DENND10: variants seen among roughly 807,000 people sequenced by gnomAD.
DENND10 encodes the protein DENN domain containing 10.
In DENND10, 24 loss-of-function variants were observed where a neutral mutation model predicts 43.6. That is an observed-to-expected ratio of 0.55 (90% confidence interval 0.40 to 0.77). DENND10 has a LOEUF of 0.77. Among genes scored for constraint, DENND10 ranks in the 30% least tolerant of loss-of-function variants. DENND10 has a pLI of 0.00. For synonymous variants in DENND10, 125 were observed against 157.6 expected, an observed-to-expected ratio of 0.79 and a Z score of 1.55; for missense variants, 303 against 429.9, an observed-to-expected ratio of 0.70 and a Z score of 2.61.
Position 119,114,971 on chromosome 10 carries a change from T to C in DENND10, c.333-2548T>C, listed in dbSNP as rs193264030. On this transcript the variant is annotated intron_variant, in intron 3 of 8. Transcript: ENST00000361432. ...TTTTAGTAGAGACGGGGTTTCACCATGTTCACCAGGCTTGTCTGGAACTCC... is the reference window on the plus strand; with the variant it reads ...TTTTAGTAGAGACGGGGTTTCACCACGTTCACCAGGCTTGTCTGGAACTCC... Among the ~76,000 whole-genome samples the C allele has an allele frequency of 8.1e-4, 124 of 152,234 alleles. 1 individual carries two copies. The highest frequency in any genetic ancestry group is 2.9e-3 in the African/African-American group (121 of 41,546).
At chr10:119,129,704 G>T (rs1452188661) in intron 7 of DENND10, 82 bp downstream of exon 7, 9 of 959,850 alleles carry the variant, frequency 9.4e-6, no homozygotes, top group Non-Finnish European at 1.0e-5. Flanking sequence ...AAACCAGTAT[G>T]TGAGGGCTGG....
chr10:119,132,795 T>C lies in DENND10; in HGVS notation c.897+186T>C, dbSNP rs1278192030. 1.7e-6 allele frequency: 1 copy of C among 602,136 alleles called. No homozygotes were observed. The highest frequency in any genetic ancestry group is 1.9e-5 in the African/African-American group (1 of 53,872). The allele number at this position is 602,136 out of a possible 1,614,324, so 37.3% of individuals were successfully genotyped here. A position where few individuals can be genotyped will look rare whatever the true frequency, so the allele number is the denominator to read the frequency against. Reference sequence around the variant, plus strand: ...CAGGTGCAGGCTGGCCTGATCTAGTTAGTTACTGGGCTCGAGGGCAGGTAT... The same window carrying C: ...CAGGTGCAGGCTGGCCTGATCTAGTCAGTTACTGGGCTCGAGGGCAGGTAT... On this transcript the variant is annotated intron_variant, in intron 8 of 8. Coordinates refer to ENST00000361432, the MANE Select transcript of DENND10 (RefSeq NM_207009.4). This position sits in a 1 kb window ranked among gnomAD's most constrained non-coding sequence, Gnocchi z 4.2.
chr10:119,129,793 G>A (rs1186759521), intron 7 of DENND10, among the ~76,000 whole-genome samples, 171 bp downstream of exon 7: 1 of 152,204 alleles, frequency 6.6e-6, no homozygotes, highest in South Asian at 2.1e-4. Flanking sequence ...CATATTAGCA[G>A]AACATCCCGG....
rs748455148 is a variant in DENND10, at chr10:119,123,459, G to T, written c.594-10G>T. 6.2e-7 allele frequency: 1 copy of T among 1,610,814 alleles called. No individual in the cohort carries two copies. The highest frequency in any genetic ancestry group is 2.2e-5 in the East Asian group (1 of 44,848). ...CAGCAACAACTTGAGTTCTTGCCTT[G>T]ATTCCCCAGGACTCTGCCTGCCCTG... On this transcript the variant is annotated splice_polypyrimidine_tract_variant and intron_variant, in intron 5 of 8. Coordinates refer to ENST00000361432, the MANE Select transcript of DENND10 (RefSeq NM_207009.4).
chr10:119,131,439 C>T (rs1846084941), intron 7 of DENND10, among the ~76,000 whole-genome samples: 1 of 152,110 alleles, frequency 6.6e-6, no homozygotes, highest in Admixed American at 6.6e-5. Flanking sequence ...GCCTGGGTGA[C>T]AAAGCAAGAC....
At position 119,137,882 on chromosome 10, in the gene DENND10, CTTTT is replaced by C. The variant is rs1314595610; in HGVS notation, c.*1238_*1241del. 13 of 164,562 alleles carry C rather than the reference CTTTT, an allele frequency of 7.9e-5. No individual in the cohort carries two copies. Among genetic ancestry groups the C allele is most frequent in the African/African-American group, 1.3e-4 (5 of 39,542 alleles). 10.2% of individuals were successfully genotyped at this position (164,562 alleles called of 1,614,324 possible). A position where few individuals can be genotyped will look rare whatever the true frequency, so the allele number is the denominator to read the frequency against. On this transcript the variant is annotated 3_prime_UTR_variant, in exon 9 of 9. Transcript: ENST00000361432. ...TTATGGAAATGAGGAATATTAACAT[CTTTT>C]TTCTCATTTTTTTGTATTACTATAT...
rs1846131133 is a variant in DENND10, at chr10:119,132,519, C to T, written c.807C>T (p.Ala269=). Residue 269 remains alanine, a synonymous_variant, in exon 8 of 9, where the codon GCC becomes GCT. Transcript: ENST00000361432. This position sits in a 1 kb window ranked among gnomAD's most constrained non-coding sequence, Gnocchi z 4.2. The part of the protein sequence containing the change: ...EITIAPLAKE[A]MAMGKLHKEM... ...TCACCTTCTTGATCTCACCAGAGGC[C>T]ATGGCAATGGGCAAACTGCACAAAG... is the stretch of plus-strand genomic sequence containing the variant. 13 of 1,612,420 alleles carry T rather than the reference C, an allele frequency of 8.1e-6. No individual in the cohort carries two copies. The highest frequency in any genetic ancestry group is 1.1e-5 in the Non-Finnish European group (13 of 1,178,592).
In DENND10 at chr10:119,123,372, C is replaced by CA. The variant is rs1478936694; in HGVS notation, c.594-97_594-96insA. ...TGTCCCTGATTAGCTGTAGACTCTA[C>CA]CCTCTTCATTTCCTTCTCAGGAAGA... On this transcript the variant is annotated intron_variant, in intron 5 of 8. Transcript: ENST00000361432. 1.8e-5 allele frequency: 15 copies of CA among 849,946 alleles called. No homozygotes were observed. The Admixed American group carries it at 2.1e-4, about 12-fold the overall frequency. The allele number at this position is 849,946 out of a possible 1,614,324, so 52.7% of individuals were successfully genotyped here.
chr10:119,116,679 T>C (rs1198516755), intron 3 of DENND10, among the ~76,000 whole-genome samples: 5 of 57,804 alleles, frequency 8.6e-5, no homozygotes, highest in African/African-American at 3.1e-4. Context: ...TTTTTTTTTT[T>C]TTTTTTTGAG....
In DENND10 at chr10:119,132,908, C is replaced by T; in HGVS notation, c.897+299C>T. On this transcript the variant is annotated intron_variant, in intron 8 of 8. Transcript: ENST00000361432. This position sits in a 1 kb window ranked among gnomAD's most constrained non-coding sequence, Gnocchi z 4.2. ...GAAGGCTTTTCTGGGCCAGCCAGTGCATTCTTTCTTCCTAGGAGAATTTCC... is the reference window on the plus strand; with the variant it reads ...GAAGGCTTTTCTGGGCCAGCCAGTGTATTCTTTCTTCCTAGGAGAATTTCC... The T allele has an allele frequency of 2.8e-6, 1 of 362,248 alleles. No individual in the cohort carries two copies. Among genetic ancestry groups the T allele is most frequent in the African/African-American group, 2.1e-5 (1 of 48,634 alleles). 22.4% of individuals were successfully genotyped at this position (362,248 alleles called of 1,614,324 possible).
chr10:119,111,178 GA>G (rs1844953788), intron 2 of DENND10, among the ~76,000 whole-genome samples: 1 of 145,528 alleles, frequency 6.9e-6, no homozygotes, highest in Non-Finnish European at 1.5e-5. Flanking sequence ...TGAGGCATGA[GA>G]ATTGCTTGAA....
At chr10:119,128,625 A>C (rs1845940195) in intron 6 of DENND10, among the ~76,000 whole-genome samples, 1 of 151,946 alleles carries the variant, frequency 6.6e-6, no homozygotes, top group African/African-American at 2.4e-5. Flanking sequence ...AAACAAAAAA[A>C]CTGAGACTAT....
In DENND10 at chr10:119,113,072, A is replaced by G. The variant is rs1162512045; in HGVS notation, c.332+1144A>G. ...TGTCATGTTGGCCAGGCTGGTCTTG[A>G]ACTCCTGACCTCAAGTGATCCGCCC... On this transcript the variant is annotated intron_variant, in intron 3 of 8. Transcript: ENST00000361432. Among the ~76,000 whole-genome samples, 12 of 150,514 alleles carry G rather than the reference A, an allele frequency of 8.0e-5. No homozygotes were observed. In the South Asian group the frequency reaches 2.5e-3, roughly 32 times the overall value.
At chr10:119,127,286 A>T (rs1312932860) in intron 6 of DENND10, among the ~76,000 whole-genome samples, 1 of 151,988 alleles carries the variant, frequency 6.6e-6, no homozygotes, top group African/African-American at 2.4e-5. Context: ...TGAGTTTGGG[A>T]TCTGACTGAA....
intron 6 of DENND10, among the ~76,000 whole-genome samples, chr10:119,124,273 C>T (rs1423172191): frequency 6.6e-6 from 1 of 150,988 alleles, no homozygotes; most frequent in African/African-American, 2.4e-5. Flanking sequence ...TGCCTATAAT[C>T]CTAGCACTTT....
intron 6 of DENND10, among the ~76,000 whole-genome samples, chr10:119,124,833 G>C (rs1845754476): frequency 6.6e-6 from 1 of 151,914 alleles, no homozygotes; most frequent in Non-Finnish European, 1.5e-5. Flanking sequence ...AGGCCGAGGT[G>C]GGGTGATCGC....
At chr10:119,115,944 A>G (rs1478313707) in intron 3 of DENND10, among the ~76,000 whole-genome samples, 1 of 151,598 alleles carries the variant, frequency 6.6e-6, no homozygotes, top group Non-Finnish European at 1.5e-5. Flanking sequence ...TTATATTTTT[A>G]GTAGAGACAG....
In DENND10 at chr10:119,123,224, G is replaced by A. The variant is rs542628231; in HGVS notation, c.594-245G>A. ...GTGGAGGTTGCAGTGAGCCAAAATC[G>A]CGCCATTGCACTCCAGCCTGGGTGA... is the stretch of plus-strand genomic sequence containing the variant. On this transcript the variant is annotated intron_variant, in intron 5 of 8. Transcript: ENST00000361432. 4.6e-5 allele frequency among the ~76,000 whole-genome samples: 7 copies of A among 152,254 alleles called. No individual in the cohort carries two copies. In the South Asian group the frequency reaches 6.2e-4, roughly 14 times the overall value.
At position 119,108,084 on chromosome 10, in the gene DENND10, C is replaced by G. The variant is rs776341162; in HGVS notation, c.172C>G (p.Pro58Ala). 12 of 1,613,542 alleles carry G rather than the reference C, an allele frequency of 7.4e-6. No individual in the cohort carries two copies. The highest frequency in any genetic ancestry group is 3.3e-5 in the South Asian group (3 of 91,078). ...CLTDENKLLH[P>A]FVFGQYRRTW... ...TACAGATGAAAACAAACTTCTCCAT[C>G]CCTTTGTCTTTGGTCAGTACAGAAG... Residue 58 changes from proline to alanine, a missense_variant, in exon 2 of 9, where the codon CCC (proline) becomes GCC (alanine). Transcript: ENST00000361432.
Sources: allele counts gnomAD v4.1 joint callset (sites outside exome capture counted in the v4.1 genomes callset), GRCh38; gene constraint gnomAD v4.1.1; non-coding constraint Gnocchi (gnomAD v3.1); transcripts MANE v1.5; gene names NCBI Gene and HGNC (gene_info 2026-07-23, HGNC 2026-07-21).